The following KDM6A variants were observed in gnomAD, a reference collection of about 807,000 sequenced individuals.
KDM6A encodes the protein lysine demethylase 6A.
Under a neutral mutation model 117.6 loss-of-function variants are expected in KDM6A, and 11 were observed. That is an observed-to-expected ratio of 0.09 (90% CI 0.06 to 0.15). The LOEUF is 0.15. Among genes scored for constraint, KDM6A ranks in the 10% least tolerant of loss-of-function variants. The pLI is 1.00. For synonymous variants in KDM6A, 384 were observed against 396.1 expected (o/e 0.97, Z 0.36); for missense variants, 799 against 1,077.3 (o/e 0.74, Z 3.62).
rs190364991 is a variant in KDM6A, at chrX:44,937,392, A to G, written c.226-23892A>G. 1.2e-3 allele frequency among the ~76,000 whole-genome samples: 139 copies of G among 111,549 alleles called. 1 individual carries two copies. The highest frequency in any genetic ancestry group is 4.1e-3 in the South Asian group (11 of 2,655). On this transcript the variant is annotated intron_variant, in intron 2 of 29. Coordinates refer to ENST00000611820, the MANE Select transcript of KDM6A (RefSeq NM_001291415.2). Reference sequence around the variant, plus strand: ...TGGCAGTCCTGTGTATCACAAATCTATTGGAACCATTTTTCCAACAGCATG... The same window carrying G: ...TGGCAGTCCTGTGTATCACAAATCTGTTGGAACCATTTTTCCAACAGCATG...
chrX:44,950,572 C>A (rs1398641364), intron 2 of KDM6A, among the ~76,000 whole-genome samples: 1 of 101,638 alleles, frequency 9.8e-6, no homozygotes, highest in Non-Finnish European at 1.9e-5. Context: ...TTAATGTATA[C>A]CCTGGGTGTG....
intron 5 of KDM6A, among the ~76,000 whole-genome samples, chrX:45,012,020 C>G (rs1254351509): frequency 1.8e-5 from 2 of 109,901 alleles, no homozygotes; most frequent in Admixed American, 2.0e-4. Context: ...CTCCTGGCCT[C>G]AGGGCATGCT....
chrX:44,873,916 C>T lies in KDM6A; in HGVS notation c.162-8C>T. The T allele has an allele frequency of 3.3e-6, 4 of 1,209,927 alleles. No homozygotes were observed. Among genetic ancestry groups the T allele is most frequent in the Non-Finnish European group, 3.4e-6 (3 of 893,767 alleles). On this transcript the variant is annotated splice_region_variant and splice_polypyrimidine_tract_variant and intron_variant, in intron 1 of 29. Transcript: ENST00000611820. ...GCGTTAACGAGTAAACTGTGTCTGTCTCCACAGCCGCCTCTTTGGGTTCGT... is the reference window on the plus strand; with the variant it reads ...GCGTTAACGAGTAAACTGTGTCTGTTTCCACAGCCGCCTCTTTGGGTTCGT...
intron 2 of KDM6A, among the ~76,000 whole-genome samples, chrX:44,892,443 C>A (rs2033442535): frequency 9.0e-6 from 1 of 111,187 alleles, no homozygotes; most frequent in African/African-American, 3.3e-5. Flanking sequence ...AATCCCAGTA[C>A]TTTGGGAGGC....
At chrX:44,892,703 A>G (rs1269555281) in intron 2 of KDM6A, among the ~76,000 whole-genome samples, 1 of 103,479 alleles carries the variant, frequency 9.7e-6, no homozygotes, top group Middle Eastern at 5.6e-3. Context: ...AACAAAAACA[A>G]AAACAAAAAA....
intron 4 of KDM6A, among the ~76,000 whole-genome samples, chrX:44,983,486 A>G (rs1349650568): frequency 1.8e-5 from 2 of 110,601 alleles, no homozygotes; most frequent in Non-Finnish European, 3.8e-5. Flanking sequence ...ATATGTATAC[A>G]TGTGCCATGT....
At chrX:45,015,957 AAAG>A (rs1220481385) in intron 5 of KDM6A, among the ~76,000 whole-genome samples, 1 of 111,563 alleles carries the variant, frequency 9.0e-6, no homozygotes, top group African/African-American at 3.3e-5. Context: ...AGAGAGGAGA[AAAG>A]AACCAGGACA....
chrX:44,879,919 T>G (rs1306811299), intron 2 of KDM6A, among the ~76,000 whole-genome samples: 1 of 111,548 alleles, frequency 9.0e-6, no homozygotes, highest in Non-Finnish European at 1.9e-5. Flanking sequence ...ACACCTGTAG[T>G]CCCAGCACTT....
Position 44,885,093 on chromosome X carries a change from G to C in KDM6A, c.225+11106G>C, listed in dbSNP as rs375921066. ...TTTGTTACCCATGCTGAGTGCATTG[G>C]CATGATCACTGCTCACTACAGCCTG... On this transcript the variant is annotated intron_variant, in intron 2 of 29. Transcript: ENST00000611820. 4.7e-5 allele frequency among the ~76,000 whole-genome samples: 5 copies of C among 107,321 alleles called. No individual in the cohort carries two copies. In the East Asian group the frequency reaches 8.8e-4, roughly 19 times the overall value. The allele number at this position is 107,321 out of a possible 115,157, so 93.2% of individuals were successfully genotyped here. A position where few individuals can be genotyped will look rare whatever the true frequency, so the allele number is the denominator to read the frequency against.
chrX:45,048,174 A>AG (rs1343693503), intron 8 of KDM6A, among the ~76,000 whole-genome samples: 1 of 108,169 alleles, frequency 9.2e-6, no homozygotes, highest in Non-Finnish European at 1.9e-5. Context: ...AAAAAAAAAA[A>AG]AAAAAACTAC....
In KDM6A at chrX:45,082,598, A is replaced by G. The variant is rs2045463532; in HGVS notation, c.3323A>G (p.His1108Arg). ...SLREENEKRS[H>R]HKDHSDSEST... ...TAGGAAGAAAATGAAAAAAGAAGTC[A>G]TCATAAAGACCACTCAGATAGTGAA... Residue 1108 changes from histidine to arginine, a missense_variant, in exon 22 of 30, where the codon CAT (histidine) becomes CGT (arginine). His to Arg is a conservative substitution (Grantham distance 29, BLOSUM62 0). Coordinates refer to ENST00000611820, the MANE Select transcript of KDM6A (RefSeq NM_001291415.2). The G allele has an allele frequency of 2.5e-6, 3 of 1,195,116 alleles. No individual in the cohort carries two copies. The highest frequency in any genetic ancestry group is 3.4e-6 in the Non-Finnish European group (3 of 881,588).
At chrX:44,887,543 C>T (rs757078715) in intron 2 of KDM6A, among the ~76,000 whole-genome samples, 2 of 110,818 alleles carry the variant, frequency 1.8e-5, no homozygotes, top group South Asian at 3.8e-4. Flanking sequence ...TGTGGTGTTC[C>T]GTGGCCACAT....
intron 3 of KDM6A, among the ~76,000 whole-genome samples, chrX:44,965,925 G>A (rs752908044): frequency 9.0e-6 from 1 of 111,255 alleles, no homozygotes; most frequent in East Asian, 2.8e-4. Context: ...AGAATTCTAT[G>A]CAATCTGCTA....
intron 8 of KDM6A, among the ~76,000 whole-genome samples, chrX:45,040,258 G>A (rs1486718447): frequency 2.6e-5 from 2 of 77,171 alleles, no homozygotes; most frequent in Non-Finnish European, 5.2e-5. Context: ...CGGCTGGCCC[G>A]GGGGGTGGGG....
intron 4 of KDM6A, among the ~76,000 whole-genome samples, chrX:44,987,345 T>C (rs1404425148): frequency 5.4e-5 from 6 of 111,465 alleles, no homozygotes; most frequent in African/African-American, 2.0e-4. Context: ...CACTGATGGG[T>C]CTTGACTCTT....
At chrX:45,054,319 A>T (rs1482396437) in intron 10 of KDM6A, among the ~76,000 whole-genome samples, 1 of 111,584 alleles carries the variant, frequency 9.0e-6, no homozygotes, top group Non-Finnish European at 1.9e-5. Context: ...AAAACAGAGG[A>T]TTAATTTCTC....
At chrX:44,885,693 A>AC (rs1260941411) in intron 2 of KDM6A, among the ~76,000 whole-genome samples, 2 of 110,170 alleles carry the variant, frequency 1.8e-5, no homozygotes, top group East Asian at 2.9e-4. Flanking sequence ...ACATAGTGAA[A>AC]CCCCGTCTCT....
At chrX:44,874,681 T>G (rs2146455716) in intron 2 of KDM6A, among the ~76,000 whole-genome samples, 1 of 109,535 alleles carries the variant, frequency 9.1e-6, no homozygotes, top group Admixed American at 9.8e-5. Flanking sequence ...GGTGTAGTCT[T>G]TTTTTATTTG....
At chrX:44,999,120 A>G (rs2041012082) in intron 4 of KDM6A, among the ~76,000 whole-genome samples, 1 of 96,971 alleles carries the variant, frequency 1.0e-5, no homozygotes, top group African/African-American at 5.3e-5. Context: ...TCTGGCCAAC[A>G]TGGTGAAACC....
Sources: gnomAD v4.1 joint callset for allele counts (sites outside exome capture counted in the v4.1 genomes callset) on GRCh38, gnomAD v4.1.1 for gene constraint, MANE v1.5 for transcripts, NCBI Gene and HGNC (gene_info 2026-07-23, HGNC 2026-07-21) for gene names.